The following HEMK2 variants were observed in gnomAD, a reference collection of about 807,000 sequenced individuals.
HEMK2 encodes the protein HemK methyltransferase 2, ETF1 glutamine and histone H4 lysine, also known as methyltransferase HEMK2.
At chr21:28,864,930 A>G in the HEMK2 span, among the ~76,000 whole-genome samples, 9 of 125,446 alleles carry the variant, frequency 7.2e-5, no homozygotes, top group Non-Finnish European at 9.1e-5. Context: ...AGATAGACAG[A>G]CAGACAGACA....
chr21:28,711,304 A>T, the HEMK2 span, among the ~76,000 whole-genome samples: 17 of 152,296 alleles, frequency 1.1e-4, no homozygotes, highest in African/African-American at 3.8e-4. Context: ...GCTGGGGGGC[A>T]TTGCAGACAC....
chr21:28,704,571 A>C, the HEMK2 span, among the ~76,000 whole-genome samples: 5 of 152,096 alleles, frequency 3.3e-5, no homozygotes, highest in South Asian at 1.0e-3. Flanking sequence ...AAAAAAAAAA[A>C]AAAAAAACTT....
the HEMK2 span, among the ~76,000 whole-genome samples, chr21:28,680,154 C>T: frequency 4.0e-5 from 6 of 151,870 alleles, no homozygotes; most frequent in African/African-American, 1.5e-4. Context: ...AGACTGCTAG[C>T]AAGACTAATA....
At chr21:28,878,529 GAATT>G in the HEMK2 span, among the ~76,000 whole-genome samples, 1 of 152,050 alleles carries the variant, frequency 6.6e-6, no homozygotes, top group African/African-American at 2.4e-5. Context: ...TCCTGTTTGT[GAATT>G]ACTTTCCTCT....
At chr21:28,656,305 A>G in the HEMK2 span, among the ~76,000 whole-genome samples, 152,164 of 152,166 alleles carry the variant, frequency 1, 76,081 homozygotes, top group Non-Finnish European at 1. Flanking sequence ...GGAAGTCCAA[A>G]AAAGTACCAC....
At chr21:28,651,477 A>G in the HEMK2 span, among the ~76,000 whole-genome samples, 3 of 152,234 alleles carry the variant, frequency 2.0e-5, no homozygotes, top group Admixed American at 2.0e-4. Context: ...AAAACAGAAT[A>G]AAGTAGTGTT....
the HEMK2 span, among the ~76,000 whole-genome samples, chr21:28,609,604 AGCCAATCAAGGAGGCACCAGAG>A: frequency 6.6e-6 from 1 of 151,144 alleles, no homozygotes; most frequent in Non-Finnish European, 1.5e-5. Flanking sequence ...TTGACTATTA[AGCCAATCAAGGAGGCACCAGAG>A]AAAGGTGAAG....
the HEMK2 span, among the ~76,000 whole-genome samples, chr21:28,606,083 T>C: frequency 6.6e-6 from 1 of 152,312 alleles, no homozygotes; most frequent in East Asian, 1.9e-4. Flanking sequence ...GAGAAAGTAG[T>C]GTTGGCAGTA....
At chr21:28,637,328 G>A in the HEMK2 span, among the ~76,000 whole-genome samples, 1 of 151,878 alleles carries the variant, frequency 6.6e-6, no homozygotes, top group African/African-American at 2.4e-5. Flanking sequence ...CTATTGATGT[G>A]TTCATAGGTT....
chr21:28,741,910 G>T, the HEMK2 span, among the ~76,000 whole-genome samples: 4 of 152,026 alleles, frequency 2.6e-5, no homozygotes, highest in African/African-American at 9.7e-5. Context: ...TTCTTCCTTT[G>T]GGTATATACC....
At chr21:28,805,894 AC>A in the HEMK2 span, among the ~76,000 whole-genome samples, 1 of 152,130 alleles carries the variant, frequency 6.6e-6, no homozygotes, top group African/African-American at 2.4e-5. Flanking sequence ...AACAAGCAAA[AC>A]CTTGAAGGAA....
the HEMK2 span, among the ~76,000 whole-genome samples, chr21:28,840,956 C>T: frequency 1.5e-5 from 2 of 132,200 alleles, no homozygotes; most frequent in African/African-American, 2.8e-5. Context: ...CCCAAATGCC[C>T]ATCAATCAAT....
At chr21:28,822,299 A>C in the HEMK2 span, among the ~76,000 whole-genome samples, 2 of 152,158 alleles carry the variant, frequency 1.3e-5, no homozygotes, top group Non-Finnish European at 2.9e-5. Context: ...TATCATTCCA[A>C]ATTGAGCAGA....
chr21:28,762,611 A>C, the HEMK2 span, among the ~76,000 whole-genome samples: 1 of 152,168 alleles, frequency 6.6e-6, no homozygotes, highest in Admixed American at 6.6e-5. Context: ...ATGTGTTGGA[A>C]ACCTAATCTC....
the HEMK2 span, among the ~76,000 whole-genome samples, chr21:28,838,854 G>T: frequency 6.9e-6 from 1 of 144,962 alleles, no homozygotes; most frequent in Non-Finnish European, 1.5e-5. Context: ...CAGAAGAATC[G>T]CTTGAACCTG....
the HEMK2 span, among the ~76,000 whole-genome samples, chr21:28,672,019 A>T: frequency 6.6e-6 from 1 of 152,190 alleles, no homozygotes; most frequent in African/African-American, 2.4e-5. Context: ...TCACATGACC[A>T]GTCATAGGCA....
At chr21:28,710,696 A>C in the HEMK2 span, among the ~76,000 whole-genome samples, 1 of 152,230 alleles carries the variant, frequency 6.6e-6, no homozygotes, top group African/African-American at 2.4e-5. Flanking sequence ...TGGAGAATGG[A>C]ATGAAATATA....
At chr21:28,653,005 T>C in the HEMK2 span, among the ~76,000 whole-genome samples, 1 of 152,058 alleles carries the variant, frequency 6.6e-6, no homozygotes, top group African/African-American at 2.4e-5. Flanking sequence ...CACCCACCCC[T>C]CAATTTGCAT....
At chr21:28,716,664 C>A in the HEMK2 span, among the ~76,000 whole-genome samples, 2 of 151,474 alleles carry the variant, frequency 1.3e-5, no homozygotes, top group East Asian at 3.9e-4. Context: ...TACTATGCAG[C>A]AAAACTAGAC....
Sources: allele counts gnomAD v4.1 joint callset (sites outside exome capture counted in the v4.1 genomes callset), GRCh38; gene constraint gnomAD v4.1.1; transcripts MANE v1.5; gene names NCBI Gene and HGNC (gene_info 2026-07-23, HGNC 2026-07-21).